Variants in WDFY4 observed in about 807,000 individuals in gnomAD.
The protein encoded by WDFY4 is WD repeat- and FYVE domain-containing protein 4.
A neutral mutation model predicts 351.9 loss-of-function variants in WDFY4; 169 were observed. The ratio of observed to expected loss-of-function variants is 0.48; its 90% CI spans 0.42 to 0.55. WDFY4 has a LOEUF of 0.55. Ranked by LOEUF, WDFY4 falls within the 20% of genes least tolerant of loss-of-function variation. The probability of loss-of-function intolerance (pLI) is 0.00; values close to 1 mark genes in which losing one functional copy is unlikely to be tolerated. For synonymous variants in WDFY4, 1,622 were observed against 1,574.6 expected, an observed-to-expected ratio of 1.03 and a Z score of -0.71; for missense variants, 3,803 against 3,935.6, an observed-to-expected ratio of 0.97 and a Z score of 0.90.
intron 13 of WDFY4, among the ~76,000 whole-genome samples, chr10:48,772,098 G>A (rs752012041): frequency 3.3e-5 from 5 of 152,140 alleles, no homozygotes; most frequent in African/African-American, 9.7e-5. Context: ...GCCTCAGGTC[G>A]GGTTCCCTGG....
intron 40 of WDFY4, among the ~76,000 whole-genome samples, chr10:48,871,467 C>T (rs370149242): frequency 0.013 from 1,747 of 134,790 alleles, 29 homozygotes; most frequent in African/African-American, 0.042. Flanking sequence ...TTCTGGTGGC[C>T]CCCCCCTTTT....
intron 51 of WDFY4, 87 bp from the exon 52 acceptor site, chr10:48,957,042 C>T (rs888799495): frequency 1.9e-5 from 28 of 1,481,308 alleles, no homozygotes; most frequent in African/African-American, 5.5e-5. Context: ...TGGTGGAACC[C>T]GTGCCTCTGA....
At chr10:48,846,375 G>A (rs979775766) in intron 39 of WDFY4, among the ~76,000 whole-genome samples, 3 of 152,318 alleles carry the variant, frequency 2.0e-5, no homozygotes, top group South Asian at 4.1e-4. Flanking sequence ...CAGCCTGGCT[G>A]TGAGCCGGTG....
chr10:48,925,064 A>G (rs1315627069), intron 47 of WDFY4, among the ~76,000 whole-genome samples: 1 of 152,238 alleles, frequency 6.6e-6, no homozygotes, highest in African/African-American at 2.4e-5. Context: ...GTTTCATGTC[A>G]TGTGGATGAG....
chr10:48,924,551 T>C (rs1425006895), intron 47 of WDFY4, among the ~76,000 whole-genome samples: 1 of 152,234 alleles, frequency 6.6e-6, no homozygotes, highest in Non-Finnish European at 1.5e-5. Flanking sequence ...AGATTTCATT[T>C]CACATGAACA....
chr10:48,836,911 C>T (rs1406884127), intron 39 of WDFY4, among the ~76,000 whole-genome samples: 1 of 152,168 alleles, frequency 6.6e-6, no homozygotes. Flanking sequence ...GCCGTGGATT[C>T]AGCTCTGCTT....
chr10:48,807,461 G>C (rs890911316), intron 27 of WDFY4, among the ~76,000 whole-genome samples: 1 of 152,118 alleles, frequency 6.6e-6, no homozygotes, highest in Admixed American at 6.5e-5. Context: ...GTTGAAAGCA[G>C]GAACAAAGAG....
chr10:48,836,252 A>G (rs973222700), intron 39 of WDFY4, among the ~76,000 whole-genome samples: 3 of 152,254 alleles, frequency 2.0e-5, no homozygotes, highest in African/African-American at 4.8e-5. Context: ...ATCCCAAGGA[A>G]CATTTTGTAC....
chr10:48,905,974 T>C (rs1449862833), intron 47 of WDFY4, among the ~76,000 whole-genome samples: 2 of 152,208 alleles, frequency 1.3e-5, no homozygotes, highest in Non-Finnish European at 2.9e-5. Flanking sequence ...AGCCCAATTG[T>C]GGCTTCAGGA....
At chr10:48,921,023 A>G (rs1839026437) in intron 47 of WDFY4, among the ~76,000 whole-genome samples, 1 of 152,220 alleles carries the variant, frequency 6.6e-6, no homozygotes, top group Non-Finnish European at 1.5e-5. Context: ...AAATGGAGAA[A>G]CATACCATGT....
At chr10:48,776,500 A>G (rs547236519) in intron 15 of WDFY4, among the ~76,000 whole-genome samples, 1 of 152,334 alleles carries the variant, frequency 6.6e-6, no homozygotes, top group Admixed American at 6.5e-5. Flanking sequence ...ATGCTGGAAA[A>G]GGGATCTGTG....
At chr10:48,960,957 G>A (rs767663925) in intron 53 of WDFY4, among the ~76,000 whole-genome samples, 10 of 152,222 alleles carry the variant, frequency 6.6e-5, no homozygotes, top group Non-Finnish European at 1.2e-4. Flanking sequence ...CACACGGGGG[G>A]ACTTTTTGAG....
At chr10:48,856,213 A>G (rs2069127460) in intron 39 of WDFY4, among the ~76,000 whole-genome samples, 1 of 152,168 alleles carries the variant, frequency 6.6e-6, no homozygotes, top group Non-Finnish European at 1.5e-5. Flanking sequence ...CTGACTTCCC[A>G]CAGATATGCA....
In WDFY4 at chr10:48,796,284, G is replaced by A. The variant is rs1227272889; in HGVS notation, c.4258-14G>A. 6.4e-7 allele frequency: 1 copy of A among 1,550,670 alleles called. No individual in the cohort carries two copies. The highest frequency in any genetic ancestry group is 1.4e-5 in the African/African-American group (1 of 72,968). The stretch of plus-strand genomic sequence containing the variant: ...TGCATTCATGAGGAAACTGCTTTGT[G>A]TTAACCTTTTCAGATAATGGCGTTT... On this transcript the variant is annotated splice_polypyrimidine_tract_variant and intron_variant, in intron 23 of 61. Coordinates refer to ENST00000325239, the MANE Select transcript of WDFY4 (RefSeq NM_001394531.1).
chr10:48,859,408 C>A (rs2069256699), intron 39 of WDFY4, among the ~76,000 whole-genome samples: 1 of 152,140 alleles, frequency 6.6e-6, no homozygotes, highest in African/African-American at 2.4e-5. Flanking sequence ...TCCTAGTTTG[C>A]TGAGAGTTTT....
At chr10:48,930,729 G>A (rs1002388531) in intron 47 of WDFY4, among the ~76,000 whole-genome samples, 24 of 152,156 alleles carry the variant, frequency 1.6e-4, no homozygotes, top group African/African-American at 5.1e-4. Flanking sequence ...AACAATAGAT[G>A]AGTGATTAAA....
At chr10:48,953,361 A>ACACAC in intron 51 of WDFY4, among the ~76,000 whole-genome samples, 1 of 147,392 alleles carries the variant, frequency 6.8e-6, no homozygotes, top group Non-Finnish European at 1.5e-5. Context: ...ACACACACAC[A>ACACAC]ATTGCTTTCA....
chr10:48,768,862 T>G (rs1411835844), intron 13 of WDFY4, among the ~76,000 whole-genome samples: 1 of 151,948 alleles, frequency 6.6e-6, no homozygotes, highest in Non-Finnish European at 1.5e-5. Context: ...GCCTCTTGAG[T>G]AATAAGCAGG....
intron 28 of WDFY4, among the ~76,000 whole-genome samples, chr10:48,808,730 T>C (rs1464269371): frequency 6.6e-6 from 1 of 152,250 alleles, no homozygotes; most frequent in Non-Finnish European, 1.5e-5. Flanking sequence ...ATGGTAGAAC[T>C]GGAAGATGCC....
Sources: gnomAD v4.1 joint callset for allele counts (sites outside exome capture counted in the v4.1 genomes callset) on GRCh38, gnomAD v4.1.1 for gene constraint, MANE v1.5 for transcripts, NCBI Gene and HGNC (gene_info 2026-07-23, HGNC 2026-07-21) for gene names.